Variants in KAZN observed in about 807,000 individuals in gnomAD.
KAZN encodes kazrin, periplakin interacting protein.
KAZN carries 40 observed loss-of-function variants against 87.4 expected under a neutral mutation model. The observed-to-expected ratio is 0.46, with a 90% CI of 0.36 to 0.60. KAZN has a LOEUF of 0.60. Among genes scored for constraint, KAZN ranks in the 20% least tolerant of loss-of-function variants. The probability of loss-of-function intolerance (pLI) is 0.00; values close to 1 mark genes in which losing one functional copy is unlikely to be tolerated. For missense variants in KAZN, 898 were observed against 1,073.9 expected (o/e 0.84, Z 2.29); for synonymous variants, 466 against 458.3 (o/e 1.02, Z -0.22).
intron 4 of KAZN, among the ~76,000 whole-genome samples, chr1:15,045,618 T>G (rs1673393555): frequency 6.6e-6 from 1 of 152,200 alleles, no homozygotes; most frequent in African/African-American, 2.4e-5. Flanking sequence ...ATTCCTACAC[T>G]GCTATAAAGA....
chr1:14,924,184 G>C, intron 1 of KAZN: 3 of 982,124 alleles, frequency 3.1e-6, no homozygotes, highest in Non-Finnish European at 3.6e-6. Flanking sequence ...CAGCAGGCGC[G>C]GACCGCCCGG....
chr1:14,607,456 A>G (rs1677459021), intron 1 of KAZN, among the ~76,000 whole-genome samples: 1 of 152,130 alleles, frequency 6.6e-6, no homozygotes, highest in African/African-American at 2.4e-5. Context: ...CCTTTTTCCC[A>G]TTACTGCCCA....
At chr1:14,164,724 C>G (rs2157563) in intron 1 of KAZN, among the ~76,000 whole-genome samples, 22,024 of 151,676 alleles carry the variant, frequency 0.15, 1,782 homozygotes, top group East Asian at 0.33. Context: ...ACTTTTAGTA[C>G]AGATGGGGTT....
chr1:14,539,269 A>T (rs1385423364), intron 2 of KAZN, among the ~76,000 whole-genome samples: 3 of 152,236 alleles, frequency 2.0e-5, no homozygotes, highest in Non-Finnish European at 4.4e-5. Flanking sequence ...GTAGAATTTG[A>T]CCAGTCGTTA....
intron 1 of KAZN, among the ~76,000 whole-genome samples, chr1:14,873,029 T>A (rs566317070): frequency 6.6e-6 from 1 of 151,420 alleles, no homozygotes; most frequent in Non-Finnish European, 1.5e-5. Flanking sequence ...GATGGGTGGG[T>A]GGATAGATAG....
chr1:14,163,232 T>C (rs993911612), intron 1 of KAZN, among the ~76,000 whole-genome samples: 1 of 152,156 alleles, frequency 6.6e-6, no homozygotes, highest in East Asian at 1.9e-4. Flanking sequence ...TAAAAAGTTT[T>C]AGAGTGGGAG....
At chr1:14,791,468 C>A (rs1005108814) in intron 1 of KAZN, among the ~76,000 whole-genome samples, 1 of 152,202 alleles carries the variant, frequency 6.6e-6, no homozygotes, top group Non-Finnish European at 1.5e-5. Context: ...TCTGCTGGGC[C>A]AAGGAAGCAA....
chr1:14,301,242 A>G (rs1038075831), intron 2 of KAZN, among the ~76,000 whole-genome samples: 5 of 152,126 alleles, frequency 3.3e-5, no homozygotes, highest in African/African-American at 7.2e-5. Flanking sequence ...ACCCGGTTGC[A>G]TTTGCTCTAT....
At chr1:14,276,908 T>C (rs1003146362) in intron 2 of KAZN, among the ~76,000 whole-genome samples, 1 of 152,242 alleles carries the variant, frequency 6.6e-6, no homozygotes, top group Non-Finnish European at 1.5e-5. Context: ...TTGTTGAATG[T>C]AGTTTTCTAA....
At chr1:14,365,320 T>A (rs1396612620) in intron 2 of KAZN, among the ~76,000 whole-genome samples, 1 of 150,532 alleles carries the variant, frequency 6.6e-6, no homozygotes, top group African/African-American at 2.4e-5. Flanking sequence ...GTGCTGGGAT[T>A]ACAGGTGTGA....
At chr1:14,754,590 G>A (rs373640888) in intron 1 of KAZN, among the ~76,000 whole-genome samples, 31 of 152,122 alleles carry the variant, frequency 2.0e-4, no homozygotes, top group African/African-American at 5.3e-4. Flanking sequence ...CCAAGATCAC[G>A]CCACCACACT....
Position 15,021,143 on chromosome 1 carries a change from C to T in KAZN, c.419-13606C>T, listed in dbSNP as rs139169060. Among the ~76,000 whole-genome samples, 5 of 152,246 alleles carry T rather than the reference C, an allele frequency of 3.3e-5. No individual in the cohort carries two copies. Among genetic ancestry groups the T allele is most frequent in the African/African-American group, 9.6e-5 (4 of 41,540 alleles). ...TGAGTTCCCAAGGCCACACAGCATG[C>T]GGGTTTGCACCCCAGTGTCCTGCCT... On this transcript the variant is annotated intron_variant, in intron 2 of 14. Coordinates refer to ENST00000376030, the MANE Select transcript of KAZN (RefSeq NM_201628.3). The surrounding 1 kb of genome is among the most constrained non-coding windows in gnomAD (Gnocchi z 4.2).
intron 2 of KAZN, among the ~76,000 whole-genome samples, chr1:14,340,683 C>T (rs528397275): frequency 3.9e-5 from 6 of 152,230 alleles, no homozygotes; most frequent in South Asian, 2.1e-4. Flanking sequence ...ATACAAATTC[C>T]GTTCTGTTCT....
chr1:15,101,862 T>C (rs477953), intron 11 of KAZN, 88 bp downstream of exon 11: 746,490 of 794,864 alleles, frequency 0.94, 350,927 homozygotes, highest in South Asian at 0.98. Flanking sequence ...GTCCACCCAC[T>C]ACCCGTCTAT....
chr1:14,211,457 C>G (rs1334090418), intron 2 of KAZN, among the ~76,000 whole-genome samples: 1 of 152,136 alleles, frequency 6.6e-6, no homozygotes, highest in Non-Finnish European at 1.5e-5. Flanking sequence ...ATCTTGTGAC[C>G]TCGTGATCTG....
At chr1:14,048,395 C>CAT (rs1642167742) in intron 1 of KAZN, among the ~76,000 whole-genome samples, 1 of 145,632 alleles carries the variant, frequency 6.9e-6, no homozygotes, top group Admixed American at 6.9e-5. Flanking sequence ...TAAAATACTT[C>CAT]TTTTTTTTTT....
chr1:15,030,593 G>A (rs1671595631), intron 2 of KAZN, among the ~76,000 whole-genome samples: 1 of 152,194 alleles, frequency 6.6e-6, no homozygotes, highest in East Asian at 1.9e-4. Context: ...ATCTTAATAT[G>A]AGGTTCACCA....
At chr1:14,259,457 C>CTT in intron 2 of KAZN, among the ~76,000 whole-genome samples, 1 of 152,154 alleles carries the variant, frequency 6.6e-6, no homozygotes, top group East Asian at 1.9e-4. Context: ...CCAAGACCTC[C>CTT]TTTTTAACAG....
intron 1 of KAZN, among the ~76,000 whole-genome samples, chr1:14,066,074 A>C (rs566117748): frequency 1.3e-5 from 2 of 152,162 alleles, no homozygotes; most frequent in East Asian, 1.9e-4. Flanking sequence ...GTGAGAATAT[A>C]CAGTATTTGG....
Sources: gnomAD v4.1 joint callset for allele counts (sites outside exome capture counted in the v4.1 genomes callset) on GRCh38, gnomAD v4.1.1 for gene constraint, Gnocchi (gnomAD v3.1) non-coding constraint, MANE v1.5 for transcripts, NCBI Gene and HGNC (gene_info 2026-07-23, HGNC 2026-07-21) for gene names.